The following TPTE variants were observed in gnomAD, a reference collection of about 807,000 sequenced individuals.
The protein encoded by TPTE is putative tyrosine-protein phosphatase TPTE.
Under a neutral mutation model 84.1 loss-of-function variants are expected in TPTE, and 59 were observed. The observed-to-expected ratio is 0.70, with a 90% CI of 0.57 to 0.87. TPTE has a LOEUF of 0.87. Among genes scored for constraint, TPTE ranks in the 40% least tolerant of loss-of-function variants. TPTE has a pLI of 0.00. For synonymous variants in TPTE, 130 were observed against 223.5 expected (o/e 0.58, Z 3.73); for missense variants, 382 against 659.6 (o/e 0.58, Z 4.61).
intron 7 of TPTE, among the ~76,000 whole-genome samples, chr21:10,547,384 A>G (rs1398643167): frequency 9.2e-5 from 14 of 152,304 alleles, no homozygotes; most frequent in African/African-American, 3.4e-4. Context: ...CCCCATCTGG[A>G]TTGAATTGGC....
intron 20 of TPTE, among the ~76,000 whole-genome samples, chr21:10,596,512 C>T (rs957328149): frequency 1.3e-5 from 2 of 152,312 alleles, no homozygotes; most frequent in South Asian, 2.1e-4. Context: ...ATTTTCTCAC[C>T]TTCTTTTAGA....
intron 17 of TPTE, among the ~76,000 whole-genome samples, chr21:10,585,201 A>G (rs1398994597): frequency 6.6e-6 from 1 of 152,410 alleles, no homozygotes. Flanking sequence ...CTGCTCTCCA[A>G]CCTGGATGAC....
At chr21:10,596,486 G>A (rs2075591407) in intron 20 of TPTE, among the ~76,000 whole-genome samples, 1 of 152,428 alleles carries the variant, frequency 6.6e-6, no homozygotes, top group South Asian at 2.1e-4. Flanking sequence ...TGGTGGAGGT[G>A]TCTCCGTATC....
intron 20 of TPTE, among the ~76,000 whole-genome samples, chr21:10,596,999 A>C (rs2075600601): frequency 6.6e-6 from 1 of 152,310 alleles, no homozygotes; most frequent in Non-Finnish European, 1.5e-5. Context: ...AGATGAACAA[A>C]GATAATACAC....
At chr21:10,575,741 GA>G (rs1451791864) in intron 14 of TPTE, among the ~76,000 whole-genome samples, 1 of 152,394 alleles carries the variant, frequency 6.6e-6, no homozygotes, top group South Asian at 2.1e-4. Context: ...AAATTTACAA[GA>G]AAAACACAAC....
chr21:10,535,068 T>TA (rs2074244262), intron 3 of TPTE, among the ~76,000 whole-genome samples: 1 of 152,312 alleles, frequency 6.6e-6, no homozygotes, highest in South Asian at 2.1e-4. Context: ...ATCTGTTTGA[T>TA]ACCTCTTTGC....
intron 19 of TPTE, among the ~76,000 whole-genome samples, chr21:10,593,652 T>C (rs2075527288): frequency 6.6e-6 from 1 of 152,312 alleles, no homozygotes; most frequent in African/African-American, 2.4e-5. Flanking sequence ...TTCTCATAAA[T>C]TAGAAAATTG....
At chr21:10,567,107 TAAAAA>T (rs574386155) in intron 10 of TPTE, among the ~76,000 whole-genome samples, 2 of 124,348 alleles carry the variant, frequency 1.6e-5, no homozygotes, top group Non-Finnish European at 3.6e-5. Flanking sequence ...TATGGGGCTC[TAAAAA>T]AAAAAAAAAA....
At chr21:10,523,973 T>G (rs2074034748) in intron 1 of TPTE, among the ~76,000 whole-genome samples, 1 of 152,306 alleles carries the variant, frequency 6.6e-6, no homozygotes, top group Non-Finnish European at 1.5e-5. Context: ...TTTCCTGACT[T>G]TTTAATGATT....
intron 4 of TPTE, 139 bp downstream of exon 4, chr21:10,538,873 A>G: frequency 6.3e-7 from 1 of 1,579,898 alleles, no homozygotes; most frequent in East Asian, 2.2e-5. Flanking sequence ...AAACACATCC[A>G]CTAACAAATC....
intron 7 of TPTE, among the ~76,000 whole-genome samples, chr21:10,545,147 T>C (rs1422611028): frequency 2.0e-5 from 3 of 152,312 alleles, no homozygotes; most frequent in Non-Finnish European, 4.4e-5. Flanking sequence ...CCTCATTGAA[T>C]TAAAAAGAGT....
At chr21:10,576,471 G>A (rs1458013448) in intron 14 of TPTE, 203 of 161,816 alleles carry the variant, frequency 1.3e-3, no homozygotes, top group African/African-American at 4.5e-3. Context: ...CATCACCTGG[G>A]GGGAGGATAC....
intron 18 of TPTE, among the ~76,000 whole-genome samples, chr21:10,590,948 C>A (rs1418547474): frequency 6.6e-6 from 1 of 152,312 alleles, no homozygotes; most frequent in Non-Finnish European, 1.5e-5. Flanking sequence ...ATTCAGTAAT[C>A]AAGATGCTTC....
intron 2 of TPTE, among the ~76,000 whole-genome samples, chr21:10,525,694 G>T (rs1600847838): frequency 6.6e-6 from 1 of 152,308 alleles, no homozygotes; most frequent in South Asian, 2.1e-4. Flanking sequence ...GACCACTTCA[G>T]TTTAGGACGG....
At chr21:10,557,173 G>A (rs2074701153) in intron 8 of TPTE, among the ~76,000 whole-genome samples, 1 of 152,308 alleles carries the variant, frequency 6.6e-6, no homozygotes, top group South Asian at 2.1e-4. Flanking sequence ...TTTTAGGAAA[G>A]GTACATGGAG....
intron 17 of TPTE, among the ~76,000 whole-genome samples, chr21:10,581,272 G>T (rs2075266578): frequency 6.6e-6 from 1 of 152,306 alleles, no homozygotes. Flanking sequence ...ACCATCTTTT[G>T]CTTTAAAAAT....
chr21:10,586,717 A>C (rs1600959059), intron 17 of TPTE, among the ~76,000 whole-genome samples: 1 of 152,304 alleles, frequency 6.6e-6, no homozygotes, highest in African/African-American at 2.4e-5. Flanking sequence ...TAAAGATTTC[A>C]ACCTGCATCC....
intron 3 of TPTE, among the ~76,000 whole-genome samples, chr21:10,535,537 T>C (rs1272377777): frequency 6.6e-6 from 1 of 152,304 alleles, no homozygotes; most frequent in Admixed American, 6.5e-5. Context: ...GATGAAGTCA[T>C]GAAAGGGATG....
At chr21:10,585,935 T>C (rs2075355765) in intron 17 of TPTE, among the ~76,000 whole-genome samples, 1 of 152,304 alleles carries the variant, frequency 6.6e-6, no homozygotes, top group African/African-American at 2.4e-5. Flanking sequence ...TTTTTATTCC[T>C]GACATTGCTT....
Sources: allele counts gnomAD v4.1 joint callset (sites outside exome capture counted in the v4.1 genomes callset), GRCh38; gene constraint gnomAD v4.1.1; transcripts MANE v1.5; gene names NCBI Gene and HGNC (gene_info 2026-07-23, HGNC 2026-07-21).